Variants in CSTPP1 observed in about 807,000 individuals in gnomAD.
CSTPP1 encodes centriolar satellite-associated tubulin polyglutamylase complex regulator 1.
chr11:47,142,984 G>C, the CSTPP1 span, among the ~76,000 whole-genome samples: 1 of 152,164 alleles, frequency 6.6e-6, no homozygotes, highest in Non-Finnish European at 1.5e-5. Context: ...AGCAGTCTGA[G>C]GGAATTATGG....
the CSTPP1 span, among the ~76,000 whole-genome samples, chr11:46,975,664 T>G: frequency 2.0e-5 from 3 of 152,186 alleles, no homozygotes; most frequent in African/African-American, 7.2e-5. Context: ...TATGGAAAAC[T>G]TTAGAGCTAC....
chr11:46,966,274 C>T, the CSTPP1 span, among the ~76,000 whole-genome samples: 1 of 152,132 alleles, frequency 6.6e-6, no homozygotes, highest in Admixed American at 6.5e-5. Flanking sequence ...ATCTCTTGAC[C>T]TCGTGATCTG....
At chr11:46,996,651 T>G in the CSTPP1 span, among the ~76,000 whole-genome samples, 14 of 152,236 alleles carry the variant, frequency 9.2e-5, no homozygotes, top group Non-Finnish European at 2.1e-4. Context: ...ATGCAGTTTC[T>G]TCCTAGCATT....
chr11:47,104,157 T>C, the CSTPP1 span, among the ~76,000 whole-genome samples: 3 of 152,208 alleles, frequency 2.0e-5, no homozygotes, highest in Non-Finnish European at 4.4e-5. Flanking sequence ...CATTCATTGC[T>C]ATGGGTATTT....
the CSTPP1 span, among the ~76,000 whole-genome samples, chr11:47,001,567 T>C: frequency 5.3e-5 from 8 of 152,050 alleles, no homozygotes; most frequent in Non-Finnish European, 1.2e-4. Context: ...GTGTAGAACG[T>C]GCAGGTTTGT....
At chr11:47,133,975 G>A in the CSTPP1 span, among the ~76,000 whole-genome samples, 1 of 152,066 alleles carries the variant, frequency 6.6e-6, no homozygotes, top group South Asian at 2.1e-4. Context: ...AGCCCCTCCT[G>A]CCATCAGCCT....
At chr11:47,038,106 AC>A in the CSTPP1 span, among the ~76,000 whole-genome samples, 2 of 41,264 alleles carry the variant, frequency 4.8e-5, no homozygotes, top group Admixed American at 2.8e-4. Flanking sequence ...CGGGGGGCTG[AC>A]CCCCCCACCT....
the CSTPP1 span, among the ~76,000 whole-genome samples, chr11:47,139,418 A>T: frequency 0.018 from 2,688 of 152,332 alleles, 37 homozygotes; most frequent in Non-Finnish European, 0.03. Flanking sequence ...TCATGCCTGT[A>T]ATCCCAGCAC....
At chr11:47,157,297 ATG>A in the CSTPP1 span, 1 of 1,444,628 alleles carries the variant, frequency 6.9e-7, no homozygotes, top group Non-Finnish European at 9.2e-7. Context: ...GCTCCGCAGG[ATG>A]TTCTGCGCGG....
the CSTPP1 span, among the ~76,000 whole-genome samples, chr11:47,153,627 ATTG>A: frequency 6.6e-6 from 1 of 152,148 alleles, no homozygotes; most frequent in Non-Finnish European, 1.5e-5. Flanking sequence ...CACCTGTAGG[ATTG>A]TTGTGGGATA....
chr11:47,061,164 A>G, the CSTPP1 span, among the ~76,000 whole-genome samples: 1 of 151,958 alleles, frequency 6.6e-6, no homozygotes, highest in African/African-American at 2.4e-5. Context: ...TATTCATTCG[A>G]CAAACATTTA....
At chr11:47,152,429 G>A in the CSTPP1 span, among the ~76,000 whole-genome samples, 2 of 152,276 alleles carry the variant, frequency 1.3e-5, no homozygotes, top group South Asian at 4.1e-4. Flanking sequence ...CACTTCTGAG[G>A]CTGGAAGGGT....
chr11:47,099,136 A>ACC, the CSTPP1 span, among the ~76,000 whole-genome samples: 2 of 152,140 alleles, frequency 1.3e-5, no homozygotes, highest in African/African-American at 4.8e-5. Flanking sequence ...GGATTCTATA[A>ACC]CCCTCTCTGT....
chr11:46,953,646 T>C, the CSTPP1 span, among the ~76,000 whole-genome samples: 5 of 152,354 alleles, frequency 3.3e-5, no homozygotes, highest in South Asian at 1.0e-3. Flanking sequence ...TGTTTTATTA[T>C]ATATGTATAA....
At chr11:46,967,424 T>C in the CSTPP1 span, among the ~76,000 whole-genome samples, 1 of 152,240 alleles carries the variant, frequency 6.6e-6, no homozygotes, top group Non-Finnish European at 1.5e-5. Context: ...TATATGTATC[T>C]TTATGCTAAT....
chr11:47,074,851 C>T, the CSTPP1 span, among the ~76,000 whole-genome samples: 1 of 152,166 alleles, frequency 6.6e-6, no homozygotes, highest in East Asian at 1.9e-4. Context: ...ATACAGGGAG[C>T]TCCCTCATTC....
chr11:47,117,020 A>G, the CSTPP1 span, among the ~76,000 whole-genome samples: 5 of 152,152 alleles, frequency 3.3e-5, no homozygotes, highest in South Asian at 2.1e-4. Context: ...TTTTCAGCCT[A>G]TGTGTGTCTT....
chr11:46,990,059 A>G, the CSTPP1 span, among the ~76,000 whole-genome samples: 1 of 152,194 alleles, frequency 6.6e-6, no homozygotes, highest in Non-Finnish European at 1.5e-5. Context: ...ATGGGCACCT[A>G]GGTTGACTCC....
At chr11:46,966,719 A>G in the CSTPP1 span, among the ~76,000 whole-genome samples, 4 of 152,206 alleles carry the variant, frequency 2.6e-5, no homozygotes, top group African/African-American at 4.8e-5. Context: ...CATACTTTCT[A>G]GTTTGTACAT....
Sources: gnomAD v4.1 joint callset for allele counts (sites outside exome capture counted in the v4.1 genomes callset) on GRCh38, gnomAD v4.1.1 for gene constraint, MANE v1.5 for transcripts, NCBI Gene and HGNC (gene_info 2026-07-23, HGNC 2026-07-21) for gene names.